Variants in SMIM36 observed in about 807,000 individuals in gnomAD.
The protein encoded by SMIM36 is small integral membrane protein 36.
intron 1 of SMIM36, among the ~76,000 whole-genome samples, chr17:55,509,570 G>C (rs1450816679): frequency 6.6e-6 from 1 of 152,130 alleles, no homozygotes; most frequent in Non-Finnish European, 1.5e-5. Flanking sequence ...CATCTGCAAA[G>C]CTTTCTTATC....
intron 1 of SMIM36, among the ~76,000 whole-genome samples, chr17:55,493,496 T>G (rs181011429): frequency 9.1e-4 from 138 of 152,152 alleles, no homozygotes; most frequent in African/African-American, 3.3e-3. Context: ...GATAGTTCAG[T>G]AAAGGCACCT....
At chr17:55,524,479 C>T in the SMIM36 span, among the ~76,000 whole-genome samples, 1 of 152,020 alleles carries the variant, frequency 6.6e-6, no homozygotes, top group Admixed American at 6.6e-5. Context: ...TTTTTTAGCT[C>T]TTTGAGGAAT....
chr17:55,525,950 A>G, the SMIM36 span, among the ~76,000 whole-genome samples: 1 of 152,114 alleles, frequency 6.6e-6, no homozygotes, highest in East Asian at 1.9e-4. Flanking sequence ...GAGCCACCAC[A>G]CCAATTACAG....
At chr17:55,478,863 C>G (rs929405678) in intron 2 of SMIM36, 50 bp from the exon 3 acceptor site, 6 of 152,124 alleles carry the variant, frequency 3.9e-5, no homozygotes, top group Admixed American at 1.3e-4. Flanking sequence ...GGTGAAGATG[C>G]TATTTATACC....
intron 1 of SMIM36, among the ~76,000 whole-genome samples, chr17:55,484,826 A>G (rs772027601): frequency 6.6e-6 from 1 of 152,234 alleles, no homozygotes; most frequent in Non-Finnish European, 1.5e-5. Flanking sequence ...GGTACATTCT[A>G]AAAGATGACT....
intron 4 of SMIM36, among the ~76,000 whole-genome samples, chr17:55,463,933 T>C (rs577988889): frequency 2.6e-5 from 4 of 152,186 alleles, no homozygotes; most frequent in East Asian, 1.9e-4. Context: ...CTGATCAACA[T>C]GGCAAAACCC....
At chr17:55,456,073 G>T (rs530901141) in intron 4 of SMIM36, among the ~76,000 whole-genome samples, 2 of 115,266 alleles carry the variant, frequency 1.7e-5, no homozygotes, top group Non-Finnish European at 3.3e-5. Context: ...AGCCAAGACC[G>T]CACCATTGCA....
intron 1 of SMIM36, among the ~76,000 whole-genome samples, chr17:55,489,325 C>G (rs1026597953): frequency 2.0e-5 from 3 of 151,960 alleles, no homozygotes; most frequent in African/African-American, 7.3e-5. Flanking sequence ...TTGCAGTGAG[C>G]CGAGATCACT....
intron 1 of SMIM36, among the ~76,000 whole-genome samples, chr17:55,505,666 A>G (rs981143270): frequency 1.4e-5 from 1 of 71,642 alleles, no homozygotes; most frequent in Non-Finnish European, 2.2e-5. Flanking sequence ...AAACTGGCAC[A>G]AGACAGGGAT....
At chr17:55,502,091 TGATTGCTA>T (rs1482706512) in intron 1 of SMIM36, among the ~76,000 whole-genome samples, 1 of 151,154 alleles carries the variant, frequency 6.6e-6, no homozygotes, top group African/African-American at 2.4e-5. Context: ...GGAATCTCGC[TGATTGCTA>T]GCACAGCAGT....
At chr17:55,514,439 T>C (rs144506213), upstream of SMIM36, among the ~76,000 whole-genome samples, 53 of 152,320 alleles carry the variant, frequency 3.5e-4, 1 homozygote, top group East Asian at 6.9e-3. Context: ...GCACACTGTA[T>C]AACAAATGTA....
rs531570373 is a variant in SMIM36, at chr17:55,472,792, C to T, written c.*348-5464G>A. Among the ~76,000 whole-genome samples the T allele has an allele frequency of 1.7e-4, 26 of 150,458 alleles. 1 individual carries two copies. Among genetic ancestry groups the T allele is most frequent in the African/African-American group, 5.1e-4 (21 of 40,910 alleles). On this transcript the variant is annotated intron_variant, in intron 3 of 4. Transcript: ENST00000636752. ...CTGAGGCAGGAGAATTGCTTGAAAC[C>T]GGGAGGCGGAGGTTGCAGTGAGCCG...
At chr17:55,479,150 A>C (rs1232651120) in intron 2 of SMIM36, among the ~76,000 whole-genome samples, 1 of 152,222 alleles carries the variant, frequency 6.6e-6, no homozygotes, top group Non-Finnish European at 1.5e-5. Context: ...TGGTGTATGC[A>C]AAGTGTCTAG....
chr17:55,450,078 A>C (rs978863484), exon 5 of SMIM36: 8 of 152,170 alleles, frequency 5.3e-5, no homozygotes, highest in Non-Finnish European at 8.8e-5. Context: ...ACCCAGATGG[A>C]CCCTAAATGC....
intron 1 of SMIM36, among the ~76,000 whole-genome samples, chr17:55,492,441 T>A (rs1189946286): frequency 1.3e-5 from 2 of 151,514 alleles, no homozygotes; most frequent in Non-Finnish European, 2.9e-5. Flanking sequence ...AGATGGGGTT[T>A]CACCATGTTG....
At chr17:55,472,166 C>A (rs1234409065) in intron 3 of SMIM36, among the ~76,000 whole-genome samples, 1 of 152,146 alleles carries the variant, frequency 6.6e-6, no homozygotes, top group Non-Finnish European at 1.5e-5. Context: ...TCTATTCTTC[C>A]AATTCCAAAC....
chr17:55,470,428 A>T (rs951352050), intron 3 of SMIM36, among the ~76,000 whole-genome samples: 12 of 151,952 alleles, frequency 7.9e-5, no homozygotes, highest in African/African-American at 2.9e-4. Flanking sequence ...GAGGCTGCCC[A>T]CTCCACATTA....
At chr17:55,526,578 G>T in the SMIM36 span, among the ~76,000 whole-genome samples, 1 of 152,126 alleles carries the variant, frequency 6.6e-6, no homozygotes, top group Non-Finnish European at 1.5e-5. Flanking sequence ...GCCAGCAGAG[G>T]GCATTAAGAG....
chr17:55,491,305 A>G (rs1909701975), intron 1 of SMIM36, among the ~76,000 whole-genome samples: 1 of 151,896 alleles, frequency 6.6e-6, no homozygotes, highest in African/African-American at 2.4e-5. Context: ...ATATTAATTA[A>G]AAAAAGAAAA....
Sources: gnomAD v4.1 joint callset for allele counts (sites outside exome capture counted in the v4.1 genomes callset) on GRCh38, gnomAD v4.1.1 for gene constraint, MANE v1.5 for transcripts, NCBI Gene and HGNC (gene_info 2026-07-23, HGNC 2026-07-21) for gene names.